The following CDH13 variants were observed in gnomAD, a reference collection of about 807,000 sequenced individuals.
The protein encoded by CDH13 is cadherin-13.
In CDH13, 24 loss-of-function variants were observed where a neutral mutation model predicts 63.8. That is an observed-to-expected ratio of 0.38 (90% CI 0.27 to 0.53). CDH13 has a LOEUF of 0.53. Ranked by LOEUF, CDH13 falls within the 20% of genes least tolerant of loss-of-function variation. The probability of loss-of-function intolerance (pLI) is 0.85; values close to 1 mark genes in which losing one functional copy is unlikely to be tolerated. For missense variants in CDH13, 1,049 were observed against 903.1 expected, an observed-to-expected ratio of 1.16 and a Z score of -2.07; for synonymous variants, 503 against 355.3, an observed-to-expected ratio of 1.42 and a Z score of -4.67.
In CDH13 at chr16:83,800,531, T is replaced by C. The variant is rs1033997970; in HGVS notation, c.*5501T>C. Reference sequence around the variant, plus strand: ...GCTCCTTTGGGCCCTCACTGCTGAATTGCTTACAGTTTCTGAGCTGTAAAC... The same window carrying C: ...GCTCCTTTGGGCCCTCACTGCTGAACTGCTTACAGTTTCTGAGCTGTAAAC... On this transcript the variant is annotated 3_prime_UTR_variant, in exon 14 of 14. Transcript: ENST00000567109. 6 of 152,248 alleles carry C rather than the reference T, an allele frequency of 3.9e-5. No homozygotes were observed. Among genetic ancestry groups the C allele is most frequent in the African/African-American group, 1.4e-4 (6 of 41,454 alleles). 9.4% of individuals were successfully genotyped at this position (152,248 alleles called of 1,614,324 possible). A position where few individuals can be genotyped will look rare whatever the true frequency, so the allele number is the denominator to read the frequency against.
At chr16:82,900,379 C>A (rs1036502551) in intron 2 of CDH13, among the ~76,000 whole-genome samples, 9 of 152,168 alleles carry the variant, frequency 5.9e-5, no homozygotes, top group African/African-American at 2.2e-4. Flanking sequence ...ACAAGAGTTT[C>A]AGTGACTTGA....
chr16:83,394,838 G>C (rs908939339), intron 6 of CDH13, among the ~76,000 whole-genome samples: 8 of 152,068 alleles, frequency 5.3e-5, no homozygotes, highest in African/African-American at 1.9e-4. Flanking sequence ...TGGTGTGTGT[G>C]GTTCAAGAGA....
chr16:83,470,177 C>T (rs2073419111), intron 6 of CDH13, among the ~76,000 whole-genome samples: 1 of 152,168 alleles, frequency 6.6e-6, no homozygotes, highest in Admixed American at 6.5e-5. Flanking sequence ...CTACTTCCCA[C>T]CTCCAGAACC....
At chr16:83,742,332 A>C (rs1221297168) in intron 10 of CDH13, among the ~76,000 whole-genome samples, 1 of 152,110 alleles carries the variant, frequency 6.6e-6, no homozygotes, top group Non-Finnish European at 1.5e-5. Context: ...GCGTCTCCCA[A>C]CACCGACACC....
At chr16:82,872,798 C>A (rs373404367) in intron 2 of CDH13, among the ~76,000 whole-genome samples, 1 of 152,178 alleles carries the variant, frequency 6.6e-6, no homozygotes, top group South Asian at 2.1e-4. Flanking sequence ...TATATTGAGT[C>A]CCTACCACTC....
At chr16:83,110,494 C>A (rs372419543) in intron 3 of CDH13, among the ~76,000 whole-genome samples, 1 of 152,248 alleles carries the variant, frequency 6.6e-6, no homozygotes, top group African/African-American at 2.4e-5. Context: ...GAAAACAGGG[C>A]TTTTACTGGG....
Position 83,355,839 on chromosome 16 carries a change from G to A in CDH13, c.781+10833G>A, listed in dbSNP as rs147106263. Among the ~76,000 whole-genome samples the A allele has an allele frequency of 1.4e-3, 207 of 152,280 alleles. 1 individual carries two copies. Among genetic ancestry groups the A allele is most frequent in the African/African-American group, 4.8e-3 (200 of 41,562 alleles). ...TCTAGGATTAAGGGAGGGAGATGATGCCTGTCCCAGGGTAACACAGCAGTG... is the reference window on the plus strand; with the variant it reads ...TCTAGGATTAAGGGAGGGAGATGATACCTGTCCCAGGGTAACACAGCAGTG... On this transcript the variant is annotated intron_variant, in intron 6 of 13. Transcript: ENST00000567109.
intron 2 of CDH13, among the ~76,000 whole-genome samples, chr16:82,872,557 G>A (rs1236260703): frequency 1.3e-5 from 2 of 152,160 alleles, no homozygotes; most frequent in Non-Finnish European, 2.9e-5. Context: ...GGCTGAGAAA[G>A]CAGAAGTTCT....
intron 2 of CDH13, among the ~76,000 whole-genome samples, chr16:82,909,789 C>T (rs2041770226): frequency 6.6e-6 from 1 of 152,094 alleles, no homozygotes; most frequent in African/African-American, 2.4e-5. Context: ...AAGATGAGAT[C>T]TGGGTGGGGA....
intron 1 of CDH13, among the ~76,000 whole-genome samples, chr16:82,693,564 A>G (rs1187709013): frequency 6.6e-6 from 1 of 152,214 alleles, no homozygotes; most frequent in African/African-American, 2.4e-5. Context: ...ATTTTCCTAC[A>G]TTAAACCCTG....
At chr16:83,514,962 C>T (rs1297994583) in intron 7 of CDH13, among the ~76,000 whole-genome samples, 1 of 152,142 alleles carries the variant, frequency 6.6e-6, no homozygotes, top group Admixed American at 6.5e-5. Flanking sequence ...TGAGATGCCC[C>T]TGTTTCTTGA....
In CDH13 at chr16:83,341,989, C is replaced by CCCCACACACACACA. The variant is rs767233245; in HGVS notation, c.637-2872_637-2871insCCACACACACACAC. On this transcript the variant is annotated intron_variant, in intron 5 of 13. Transcript: ENST00000567109. ...ATTTATTTTGAATAGGTGTCCCCTG[C>CCCCACACACACACA]CACACACACACACACACACACACAC... Among the ~76,000 whole-genome samples, 797 of 138,146 alleles carry CCCCACACACACACA rather than the reference C, an allele frequency of 5.8e-3. 2 individuals are homozygous for CCCCACACACACACA. The highest frequency in any genetic ancestry group is 0.011 in the Middle Eastern group (3 of 262). 90.6% of individuals were successfully genotyped at this position (138,146 alleles called of 152,430 possible).
chr16:83,435,683 C>T (rs1484289665), intron 6 of CDH13, among the ~76,000 whole-genome samples: 1 of 152,200 alleles, frequency 6.6e-6, no homozygotes, highest in African/African-American at 2.4e-5. Flanking sequence ...GACTGTTGCT[C>T]AGCCTCCAGC....
intron 1 of CDH13, among the ~76,000 whole-genome samples, chr16:82,678,595 G>A (rs1193772921): frequency 1.3e-5 from 2 of 152,204 alleles, no homozygotes; most frequent in African/African-American, 4.8e-5. Context: ...CTGGTAAGGA[G>A]GGTGAATCTC....
At chr16:82,822,418 C>T (rs537986176) in intron 1 of CDH13, among the ~76,000 whole-genome samples, 2 of 152,272 alleles carry the variant, frequency 1.3e-5, no homozygotes, top group South Asian at 4.2e-4. Flanking sequence ...AGGGGATGCA[C>T]ATTCACATAC....
At chr16:83,375,386 G>T (rs1178629180) in intron 6 of CDH13, among the ~76,000 whole-genome samples, 2 of 152,204 alleles carry the variant, frequency 1.3e-5, no homozygotes, top group Non-Finnish European at 2.9e-5. Context: ...AGTGTACAGT[G>T]ACACAGCTAT....
chr16:83,063,263 G>C (rs553821770), intron 3 of CDH13, among the ~76,000 whole-genome samples: 4 of 152,208 alleles, frequency 2.6e-5, no homozygotes, highest in African/African-American at 4.8e-5. Flanking sequence ...CGCCCAGCCT[G>C]GTGGTTGGCT....
chr16:82,769,170 A>T (rs961688410), intron 1 of CDH13, among the ~76,000 whole-genome samples: 1 of 152,198 alleles, frequency 6.6e-6, no homozygotes, highest in African/African-American at 2.4e-5. Flanking sequence ...TGGCTTTATC[A>T]TATTTAATTA....
At chr16:82,743,336 T>G (rs1460501568) in intron 1 of CDH13, among the ~76,000 whole-genome samples, 1 of 152,134 alleles carries the variant, frequency 6.6e-6, no homozygotes, top group Non-Finnish European at 1.5e-5. Context: ...TAGGCGATCC[T>G]CCCACCTCAG....
Sources: gnomAD v4.1 joint callset for allele counts (sites outside exome capture counted in the v4.1 genomes callset) on GRCh38, gnomAD v4.1.1 for gene constraint, MANE v1.5 for transcripts, NCBI Gene and HGNC (gene_info 2026-07-23, HGNC 2026-07-21) for gene names.